The following CCDC178 variants were observed in gnomAD, a reference collection of about 807,000 sequenced individuals.
CCDC178 encodes the protein coiled-coil domain containing 178, also known as coiled-coil domain-containing protein 178.
In CCDC178, 126 loss-of-function variants were observed where a neutral mutation model predicts 117.4. The observed-to-expected ratio is 1.07, with a 90% CI of 0.93 to 1.24. CCDC178 has a LOEUF of 1.24. CCDC178 is among the 50% of genes most tolerant of loss of function. The pLI is 0.00. For synonymous variants in CCDC178, 283 were observed against 313.4 expected (o/e 0.90, Z 1.02); for missense variants, 1,030 against 986.9 (o/e 1.04, Z -0.59).
chr18:33,118,046 C>A (rs1305724431), intron 20 of CCDC178, among the ~76,000 whole-genome samples: 2 of 152,058 alleles, frequency 1.3e-5, no homozygotes, highest in Admixed American at 6.6e-5. Flanking sequence ...ATACAGAATG[C>A]CTTATCATTT....
At chr18:33,357,089 T>C (rs532678537) in intron 6 of CCDC178, among the ~76,000 whole-genome samples, 5 of 152,080 alleles carry the variant, frequency 3.3e-5, no homozygotes, top group Non-Finnish European at 7.4e-5. Flanking sequence ...AATTCACCTA[T>C]GACCTGGAAG....
At chr18:33,081,106 G>A (rs528793888) in intron 21 of CCDC178, among the ~76,000 whole-genome samples, 1 of 152,104 alleles carries the variant, frequency 6.6e-6, no homozygotes, top group Non-Finnish European at 1.5e-5. Flanking sequence ...GCTGAACAGA[G>A]GAGGACATAT....
chr18:33,368,086 G>A (rs1425016877), intron 6 of CCDC178, among the ~76,000 whole-genome samples: 1 of 151,986 alleles, frequency 6.6e-6, no homozygotes, highest in Non-Finnish European at 1.5e-5. Flanking sequence ...TTTGGAGTCA[G>A]ATGGAACTAA....
chr18:33,135,788 T>C (rs183536486), intron 20 of CCDC178, among the ~76,000 whole-genome samples: 2 of 152,304 alleles, frequency 1.3e-5, no homozygotes, highest in Admixed American at 6.5e-5. Flanking sequence ...ATGGGAAGAA[T>C]AGGGCACTGA....
intron 5 of CCDC178, among the ~76,000 whole-genome samples, chr18:33,379,442 A>C (rs1256496319): frequency 6.6e-6 from 1 of 151,888 alleles, no homozygotes; most frequent in Non-Finnish European, 1.5e-5. Flanking sequence ...TTACTGGGAG[A>C]AGCTCTTTTT....
rs757053632 is a variant in CCDC178 at position 33,346,402 on chromosome 18, C to T, written c.467G>A (p.Cys156Tyr). ...TTCCATTTCCTGCTTTAACTCTGGA[C>T]ACTTTTCATCTTAAACAGAAATAAA... The part of the protein sequence containing the change: ...VKPGEKRDEK[C>Y]PELKQEMETL... The change falls in exon 9 of 23, where the codon TGT becomes TAT. Residue 156 changes from cysteine (C) to tyrosine (Y), a missense_variant. Physicochemically the swap from Cys to Tyr is radical, Grantham distance 194. Coordinates refer to ENST00000383096, the MANE Select transcript of CCDC178 (RefSeq NM_001105528.4). 1.9e-6 allele frequency: 3 copies of T among 1,604,874 alleles called. No individual in the cohort carries two copies. Among genetic ancestry groups the T allele is most frequent in the Admixed American group, 1.7e-5 (1 of 59,512 alleles).
At chr18:33,303,502 T>C (rs1221357095) in intron 11 of CCDC178, among the ~76,000 whole-genome samples, 9 of 152,102 alleles carry the variant, frequency 5.9e-5, no homozygotes. Flanking sequence ...TGGGTGATAA[T>C]GATGTGTCAA....
At chr18:33,015,833 G>A (rs188418641) in intron 21 of CCDC178, among the ~76,000 whole-genome samples, 3 of 152,236 alleles carry the variant, frequency 2.0e-5, no homozygotes, top group African/African-American at 4.8e-5. Context: ...AAATGCTGGA[G>A]TTAAAAAGTA....
intron 11 of CCDC178, among the ~76,000 whole-genome samples, chr18:33,314,488 G>A (rs1461017851): frequency 6.6e-6 from 1 of 152,038 alleles, no homozygotes; most frequent in African/African-American, 2.4e-5. Context: ...TTAAAAATGA[G>A]AATAGTTCCA....
chr18:32,996,302 C>A (rs141425976), intron 21 of CCDC178, among the ~76,000 whole-genome samples: 7 of 151,876 alleles, frequency 4.6e-5, no homozygotes, highest in Admixed American at 2.0e-4. Flanking sequence ...TCTCAACAAA[C>A]CTGATTTTGG....
At chr18:33,196,391 C>A (rs1377191576) in intron 20 of CCDC178, among the ~76,000 whole-genome samples, 6 of 152,158 alleles carry the variant, frequency 3.9e-5, no homozygotes, top group Admixed American at 1.3e-4. Flanking sequence ...CGTATTTAGA[C>A]CCTTCCTGGA....
chr18:32,938,489 G>A (rs2054169560), intron 22 of CCDC178, among the ~76,000 whole-genome samples: 1 of 151,918 alleles, frequency 6.6e-6, no homozygotes, highest in Non-Finnish European at 1.5e-5. Context: ...TGTTCATAGT[G>A]CTTCAACAAC....
chr18:33,064,222 C>T (rs1254625670), intron 21 of CCDC178, among the ~76,000 whole-genome samples: 4 of 152,120 alleles, frequency 2.6e-5, no homozygotes, highest in East Asian at 1.9e-4. Flanking sequence ...CTATGAAGTG[C>T]CTGGAAATGA....
chr18:32,985,003 T>C (rs934894729), intron 21 of CCDC178, among the ~76,000 whole-genome samples: 3 of 151,904 alleles, frequency 2.0e-5, no homozygotes, highest in African/African-American at 7.2e-5. Flanking sequence ...CAGTATATCT[T>C]TATAGTCTTC....
chr18:33,052,795 A>G, intron 21 of CCDC178, among the ~76,000 whole-genome samples: 1 of 152,162 alleles, frequency 6.6e-6, no homozygotes. Flanking sequence ...GATTTAAAAA[A>G]ATTTTTTTTA....
At chr18:33,232,915 AT>A (rs923607164) in intron 15 of CCDC178, among the ~76,000 whole-genome samples, 1 of 152,132 alleles carries the variant, frequency 6.6e-6, no homozygotes, top group Non-Finnish European at 1.5e-5. Flanking sequence ...TTTATAATTT[AT>A]CTTAATACTC....
chr18:33,118,541 A>C (rs1167101071), intron 20 of CCDC178, among the ~76,000 whole-genome samples: 1 of 152,052 alleles, frequency 6.6e-6, no homozygotes, highest in African/African-American at 2.4e-5. Context: ...TGAAATAAAA[A>C]AGGACACAAA....
At chr18:33,211,243 G>T (rs1469789569) in intron 20 of CCDC178, among the ~76,000 whole-genome samples, 1 of 151,698 alleles carries the variant, frequency 6.6e-6, no homozygotes, top group African/African-American at 2.4e-5. Flanking sequence ...CCAAAAATGA[G>T]TAATATTTTT....
chr18:33,103,475 T>C (rs1292805153), intron 20 of CCDC178, among the ~76,000 whole-genome samples: 1 of 151,434 alleles, frequency 6.6e-6, no homozygotes, highest in Non-Finnish European at 1.5e-5. Flanking sequence ...TACTTAGGCC[T>C]AAGCATAAAA....
Sources: allele counts gnomAD v4.1 joint callset (sites outside exome capture counted in the v4.1 genomes callset), GRCh38; gene constraint gnomAD v4.1.1; transcripts MANE v1.5; gene names NCBI Gene and HGNC (gene_info 2026-07-23, HGNC 2026-07-21).